The following RERE variants were observed in gnomAD, a reference collection of about 807,000 sequenced individuals.
RERE encodes the protein arginine-glutamic acid dipeptide repeats, also known as arginine-glutamic acid dipeptide repeats protein.
In RERE, 40 loss-of-function variants were observed where a neutral mutation model predicts 146.1. The observed-to-expected ratio is 0.27, with a 90% CI of 0.21 to 0.36. RERE has a LOEUF of 0.36. RERE is among the 10% of genes least tolerant of loss of function. The probability of loss-of-function intolerance (pLI) is 1.00; values close to 1 mark genes in which losing one functional copy is unlikely to be tolerated. For missense variants in RERE, 1,933 were observed against 2,138.7 expected, an observed-to-expected ratio of 0.90 and a Z score of 1.90; for synonymous variants, 1,003 against 866.0, an observed-to-expected ratio of 1.16 and a Z score of -2.78.
chr1:8,580,843 C>T (rs924738805), intron 4 of RERE, among the ~76,000 whole-genome samples: 5 of 151,916 alleles, frequency 3.3e-5, no homozygotes, highest in African/African-American at 9.7e-5. Flanking sequence ...TGTGTGCCAC[C>T]ATGCTCAGCT....
chr1:8,488,192 A>G (rs1001289181), intron 10 of RERE, among the ~76,000 whole-genome samples: 1 of 151,996 alleles, frequency 6.6e-6, no homozygotes, highest in Admixed American at 6.6e-5. Context: ...TCCCAAACTG[A>G]TCCATAAATT....
In RERE at chr1:8,369,511, A is replaced by T. The variant is rs1486076728; in HGVS notation, c.1285-3537T>A. On this transcript the variant is annotated intron_variant, in intron 12 of 22. Transcript: ENST00000400908. ...GAATAAATCTTTCGCCTTTTACTAA[A>T]AAAAAAAAAAAAAAAAAAAAAAAAA... Among the ~76,000 whole-genome samples, 646 of 117,880 alleles carry T rather than the reference A, an allele frequency of 5.5e-3. 6 individuals are homozygous for T. Among genetic ancestry groups the T allele is most frequent in the Middle Eastern group, 8.4e-3 (2 of 238 alleles). 77.3% of individuals were successfully genotyped at this position (117,880 alleles called of 152,430 possible).
chr1:8,434,478 T>A (rs1215133724), intron 11 of RERE, among the ~76,000 whole-genome samples: 2 of 152,218 alleles, frequency 1.3e-5, no homozygotes, highest in East Asian at 3.8e-4. Flanking sequence ...TTTACATTTG[T>A]GACAAACTAT....
In RERE at chr1:8,521,274, T is replaced by C. The variant is rs1446259844; in HGVS notation, c.831-12599A>G. ...TGGATCAGTAAATAGTTATTAAACA[T>C]ACTGGTGGTTAATAATTAGTGTAAT... On this transcript the variant is annotated intron_variant, in intron 7 of 22. Coordinates refer to ENST00000400908, the MANE Select transcript of RERE (RefSeq NM_001042681.2). 4.6e-5 allele frequency among the ~76,000 whole-genome samples: 7 copies of C among 150,596 alleles called. No individual in the cohort carries two copies. In the East Asian group the frequency reaches 7.8e-4, roughly 17 times the overall value.
rs558410681 is a variant in RERE, at chr1:8,413,979, CG to C, written c.1284+8747del. 7.2e-4 allele frequency among the ~76,000 whole-genome samples: 106 copies of C among 146,682 alleles called. No homozygotes were observed. The East Asian group carries it at 0.011, about 15-fold the overall frequency. ...AAGAGGGAGGAGAATTGCTTGAACCCGGGAGACGGAGGCTGTGGTGAGCTGA... is the reference window on the plus strand; with the variant it reads ...AAGAGGGAGGAGAATTGCTTGAACCCGGAGACGGAGGCTGTGGTGAGCTGA... On this transcript the variant is annotated intron_variant, in intron 12 of 22. Coordinates refer to ENST00000400908, the MANE Select transcript of RERE (RefSeq NM_001042681.2).
At chr1:8,593,950 C>T (rs1442244718) in intron 4 of RERE, among the ~76,000 whole-genome samples, 1 of 152,092 alleles carries the variant, frequency 6.6e-6, no homozygotes, top group Non-Finnish European at 1.5e-5. Context: ...TCTACCAACC[C>T]GGGGCAGCAC....
At chr1:8,425,941 A>G (rs926839443) in intron 11 of RERE, among the ~76,000 whole-genome samples, 1 of 152,188 alleles carries the variant, frequency 6.6e-6, no homozygotes, top group African/African-American at 2.4e-5. Flanking sequence ...CCCATTTTAC[A>G]GACAAGGAAG....
chr1:8,548,237 G>A (rs1042642044), intron 6 of RERE, among the ~76,000 whole-genome samples: 3 of 152,200 alleles, frequency 2.0e-5, no homozygotes, highest in Non-Finnish European at 2.9e-5. Context: ...GAGCAGCAAG[G>A]TGGGAGCGAA....
chr1:8,588,230 A>C (rs1203901996), intron 4 of RERE, among the ~76,000 whole-genome samples: 3 of 152,246 alleles, frequency 2.0e-5, no homozygotes, highest in Non-Finnish European at 4.4e-5. Context: ...AAACATTTCA[A>C]AAGACCAATT....
chr1:8,621,796 C>T (rs1646918809), intron 3 of RERE, among the ~76,000 whole-genome samples: 1 of 152,172 alleles, frequency 6.6e-6, no homozygotes, highest in South Asian at 2.1e-4. Flanking sequence ...TTTCCTTCTG[C>T]TCATCTTTTA....
At chr1:8,773,462 G>A (rs149300532) in intron 1 of RERE, among the ~76,000 whole-genome samples, 1 of 152,182 alleles carries the variant, frequency 6.6e-6, no homozygotes, top group Admixed American at 6.5e-5. Context: ...GGGAGGCCAA[G>A]GTGCGCCAAT....
chr1:8,757,192 A>G (rs1195076879), intron 1 of RERE, among the ~76,000 whole-genome samples: 1 of 152,168 alleles, frequency 6.6e-6, no homozygotes, highest in Non-Finnish European at 1.5e-5. Context: ...AAAACACACA[A>G]AGAAAGTGTT....
At chr1:8,699,541 T>C (rs1639403253) in intron 1 of RERE, among the ~76,000 whole-genome samples, 1 of 152,234 alleles carries the variant, frequency 6.6e-6, no homozygotes, top group African/African-American at 2.4e-5. Flanking sequence ...CCAATCATCA[T>C]TAATATGTGG....
chr1:8,784,011 T>G lies in RERE; in HGVS notation c.-145+33149A>C, dbSNP rs553326795. 1.2e-4 allele frequency among the ~76,000 whole-genome samples: 19 copies of G among 152,284 alleles called. 1 individual carries two copies. In the South Asian group the frequency reaches 1.7e-3, roughly 13 times the overall value. On this transcript the variant is annotated intron_variant, in intron 1 of 22. Transcript: ENST00000400908. ...CCAACCGACACCTTGATTTCAGACT[T>G]CTGGCCTCCACAACTGTGGCACAAT...
At chr1:8,667,505 A>G (rs1317058151) in intron 1 of RERE, among the ~76,000 whole-genome samples, 2 of 152,160 alleles carry the variant, frequency 1.3e-5, no homozygotes, top group Non-Finnish European at 2.9e-5. Flanking sequence ...GCGAAATCCC[A>G]TCTCTACTAA....
intron 10 of RERE, among the ~76,000 whole-genome samples, chr1:8,474,499 ACT>A (rs1171708835): frequency 6.6e-6 from 1 of 152,064 alleles, no homozygotes; most frequent in Non-Finnish European, 1.5e-5. Flanking sequence ...ATTAGCATAA[ACT>A]CTGCGTATTA....
intron 1 of RERE, among the ~76,000 whole-genome samples, chr1:8,808,461 T>C (rs1641731677): frequency 6.6e-6 from 1 of 152,198 alleles, no homozygotes; most frequent in South Asian, 2.1e-4. Context: ...AAAAAGAGGC[T>C]GATATTTATT....
chr1:8,380,781 A>C, intron 12 of RERE: 1 of 455,726 alleles, frequency 2.2e-6, no homozygotes, highest in South Asian at 1.6e-5. Flanking sequence ...TTCAGACTTG[A>C]GCCCATAGCC....
chr1:8,654,782 T>C (rs1472339815), intron 2 of RERE, among the ~76,000 whole-genome samples: 1 of 151,950 alleles, frequency 6.6e-6, no homozygotes, highest in Non-Finnish European at 1.5e-5. Context: ...TACAGGTGTG[T>C]GCCACCAGGC....
Sources: gnomAD v4.1 joint callset for allele counts (sites outside exome capture counted in the v4.1 genomes callset) on GRCh38, gnomAD v4.1.1 for gene constraint, MANE v1.5 for transcripts, NCBI Gene and HGNC (gene_info 2026-07-23, HGNC 2026-07-21) for gene names.